Variants in RNF216 observed in about 807,000 individuals in gnomAD.
RNF216 encodes the protein ring finger protein 216.
A neutral mutation model predicts 110.8 loss-of-function variants in RNF216; 72 were observed. The ratio of observed to expected loss-of-function variants is 0.65; its 90% CI spans 0.54 to 0.79. The LOEUF (loss-of-function observed/expected upper bound fraction) is 0.79, where lower values mean the gene tolerates loss of function less well. Ranked by LOEUF, RNF216 falls within the 30% of genes least tolerant of loss-of-function variation. RNF216 has a pLI of 0.00. For synonymous variants in RNF216, 495 were observed against 407.5 expected (o/e 1.21, Z -2.59); for missense variants, 1,342 against 1,141.2 (o/e 1.18, Z -2.54).
intron 13 of RNF216, among the ~76,000 whole-genome samples, chr7:5,665,580 C>T (rs1177766416): frequency 6.6e-6 from 1 of 152,062 alleles, no homozygotes; most frequent in Non-Finnish European, 1.5e-5. Context: ...TGGAAAGTTA[C>T]AAGGCACCGA....
At chr7:5,690,769 C>A (rs1201174529) in intron 13 of RNF216, among the ~76,000 whole-genome samples, 1 of 152,164 alleles carries the variant, frequency 6.6e-6, no homozygotes, top group East Asian at 1.9e-4. Context: ...ATACAGCCCA[C>A]ACTAGAGCTC....
At chr7:5,721,273 C>A (rs1793408913) in intron 8 of RNF216, 101 bp from the exon 9 acceptor site, 5 of 1,029,054 alleles carry the variant, frequency 4.9e-6, no homozygotes, top group Non-Finnish European at 7.2e-6. Flanking sequence ...CACCTTCTCT[C>A]TGATGGTACG....
chr7:5,763,016 A>G (rs1355598119), intron 1 of RNF216, among the ~76,000 whole-genome samples: 1 of 152,210 alleles, frequency 6.6e-6, no homozygotes, highest in South Asian at 2.1e-4. Context: ...ACAGAAACAC[A>G]GAAGTTATTG....
intron 14 of RNF216, among the ~76,000 whole-genome samples, chr7:5,645,131 G>C (rs1004226211): frequency 6.6e-6 from 1 of 152,090 alleles, no homozygotes; most frequent in Non-Finnish European, 1.5e-5. Context: ...CCTATTTTCT[G>C]ATTAGGCTGT....
intron 6 of RNF216, 27 bp from the exon 7 acceptor site, chr7:5,729,623 A>G (rs780264175): frequency 1.9e-6 from 3 of 1,596,510 alleles, no homozygotes; most frequent in Non-Finnish European, 2.6e-6. Context: ...GCATAAAATC[A>G]GAGGCCAGGC....
chr7:5,756,931 T>C (rs1048420614), intron 2 of RNF216, among the ~76,000 whole-genome samples: 9 of 152,242 alleles, frequency 5.9e-5, no homozygotes, highest in Admixed American at 2.0e-4. Context: ...CCACTGCGCC[T>C]GGCTGAGCTT....
intron 13 of RNF216, among the ~76,000 whole-genome samples, chr7:5,688,161 A>G (rs550612885): frequency 6.6e-6 from 1 of 152,374 alleles, no homozygotes; most frequent in South Asian, 2.1e-4. Context: ...TTTCACGCAC[A>G]GAACTGTGTA....
chr7:5,685,594 C>G (rs1201638942), intron 13 of RNF216, among the ~76,000 whole-genome samples: 1 of 152,156 alleles, frequency 6.6e-6, no homozygotes, highest in East Asian at 1.9e-4. Context: ...AAAGACAAAG[C>G]GGTGAGCTAA....
At chr7:5,655,573 T>C (rs1264892339) in intron 13 of RNF216, among the ~76,000 whole-genome samples, 2 of 151,720 alleles carry the variant, frequency 1.3e-5, no homozygotes, top group African/African-American at 2.4e-5. Context: ...ACCACTGCAC[T>C]CCAGCCTGGG....
chr7:5,748,664 TACTA>T (rs1227954107), intron 3 of RNF216, among the ~76,000 whole-genome samples: 1 of 149,036 alleles, frequency 6.7e-6, no homozygotes, highest in Non-Finnish European at 1.5e-5. Flanking sequence ...ACACATAATA[TACTA>T]ACTAAAGCAT....
At chr7:5,641,011 T>G (rs1787700792) in intron 15 of RNF216, 143 bp downstream of exon 15, 1 of 651,322 alleles carries the variant, frequency 1.5e-6, no homozygotes, top group Middle Eastern at 4.3e-4. Context: ...GTTTCTCAAA[T>G]TTTTTCTTTG....
intron 3 of RNF216, among the ~76,000 whole-genome samples, chr7:5,750,463 A>G (rs936632173): frequency 1.3e-5 from 2 of 152,236 alleles, no homozygotes; most frequent in Non-Finnish European, 2.9e-5. Context: ...TGACTTAGAG[A>G]GGAAAATTAC....
chr7:5,626,413 A>T (rs572276772), intron 15 of RNF216, among the ~76,000 whole-genome samples: 1 of 118,136 alleles, frequency 8.5e-6, no homozygotes, highest in East Asian at 2.1e-4. Flanking sequence ...AAAAAAGACT[A>T]AAAAAAAAAA....
intron 16 of RNF216, among the ~76,000 whole-genome samples, chr7:5,623,635 T>G (rs1786528872): frequency 6.6e-6 from 1 of 151,980 alleles, no homozygotes; most frequent in Non-Finnish European, 1.5e-5. Flanking sequence ...GGTCTTGCTA[T>G]TTTGCCCAGG....
chr7:5,645,393 C>T (rs1235109845), intron 14 of RNF216, among the ~76,000 whole-genome samples: 1 of 152,168 alleles, frequency 6.6e-6, no homozygotes, highest in Non-Finnish European at 1.5e-5. Context: ...AGATGATGTT[C>T]TACAGGTCCC....
At chr7:5,693,309 C>T (rs968826694) in intron 13 of RNF216, among the ~76,000 whole-genome samples, 3 of 152,152 alleles carry the variant, frequency 2.0e-5, no homozygotes, top group Admixed American at 2.0e-4. Context: ...TACTACCTTG[C>T]CTTTTACAGA....
intron 15 of RNF216, among the ~76,000 whole-genome samples, chr7:5,625,541 G>A (rs1160511181): frequency 1.3e-5 from 2 of 152,170 alleles, no homozygotes; most frequent in East Asian, 1.9e-4. Flanking sequence ...GCTAACCAAC[G>A]GACAGTTTGC....
intron 14 of RNF216, among the ~76,000 whole-genome samples, chr7:5,643,447 T>C (rs1787863079): frequency 6.6e-6 from 1 of 151,560 alleles, no homozygotes; most frequent in African/African-American, 2.4e-5. Context: ...GCCGGAGCTG[T>C]GACTGTGGTT....
rs1228019978 is a variant in RNF216 at position 5,660,957 on chromosome 7, T to TG, written c.2062-8448_2062-8447insC. The stretch of plus-strand genomic sequence containing the variant: ...TGAAGCCTTAGGTTTTTTTTTTTTT[T>TG]TTTTTTTTTTTGAAACAGCATCTCG... On this transcript the variant is annotated intron_variant, in intron 13 of 16. Transcript: ENST00000389902. 3.4e-5 allele frequency among the ~76,000 whole-genome samples: 5 copies of TG among 146,672 alleles called. No homozygotes were observed. In the East Asian group the frequency reaches 6.0e-4, roughly 18 times the overall value.
Sources: allele counts gnomAD v4.1 joint callset (sites outside exome capture counted in the v4.1 genomes callset), GRCh38; gene constraint gnomAD v4.1.1; transcripts MANE v1.5; gene names NCBI Gene and HGNC (gene_info 2026-07-23, HGNC 2026-07-21).